The following FARSB variants were observed in gnomAD, a reference collection of about 807,000 sequenced individuals.
FARSB encodes phenylalanyl-tRNA synthetase subunit beta.
In FARSB, 40 loss-of-function variants were observed where a neutral mutation model predicts 69.6. That is an observed-to-expected ratio of 0.57 (90% CI 0.45 to 0.75). The LOEUF is 0.75. Among genes scored for constraint, FARSB ranks in the 30% least tolerant of loss-of-function variants. FARSB has a pLI of 0.00. For missense variants in FARSB, 632 were observed against 722.9 expected, an observed-to-expected ratio of 0.87 and a Z score of 1.44; for synonymous variants, 235 against 247.2, an observed-to-expected ratio of 0.95 and a Z score of 0.46.
intron 4 of FARSB, among the ~76,000 whole-genome samples, chr2:222,640,555 GA>G (rs1359199347): frequency 3.3e-5 from 5 of 151,366 alleles, no homozygotes; most frequent in African/African-American, 1.2e-4. Context: ...GCTCAGGAAT[GA>G]GACCAGCCTG....
Position 222,567,288 on chromosome 2 carries a change from C to T in FARSB, c.*4583G>A, listed in dbSNP as rs1249426505. On this transcript the variant is annotated 3_prime_UTR_variant, in exon 17 of 17. Transcript: ENST00000281828. ...TCAAGGCCCTAATAACATAATAAGCCAGAACTTGGATATCAGATGGGTCAA... is the reference window on the plus strand; with the variant it reads ...TCAAGGCCCTAATAACATAATAAGCTAGAACTTGGATATCAGATGGGTCAA... 6.6e-6 allele frequency: 1 copy of T among 152,148 alleles called. No homozygotes were observed. The highest frequency in any genetic ancestry group is 1.5e-5 in the Non-Finnish European group (1 of 68,032). 9.4% of individuals were successfully genotyped at this position (152,148 alleles called of 1,614,324 possible).
intron 2 of FARSB, among the ~76,000 whole-genome samples, chr2:222,647,741 G>C (rs1691907871): frequency 6.6e-6 from 1 of 152,176 alleles, no homozygotes; most frequent in Non-Finnish European, 1.5e-5. Flanking sequence ...CTCCAGCCTG[G>C]GCAACAGAGT....
chr2:222,602,437 T>C (rs1023316226), intron 15 of FARSB, among the ~76,000 whole-genome samples: 3 of 152,082 alleles, frequency 2.0e-5, no homozygotes, highest in African/African-American at 7.2e-5. Context: ...CTACTAGATA[T>C]TAAAATTTAT....
chr2:222,647,680 G>T (rs978869567), intron 2 of FARSB, among the ~76,000 whole-genome samples: 2 of 152,214 alleles, frequency 1.3e-5, no homozygotes, highest in South Asian at 4.1e-4. Flanking sequence ...CAGGAGAATC[G>T]CCTGAACCCA....
chr2:222,593,642 T>C (rs1461691078), intron 16 of FARSB, among the ~76,000 whole-genome samples: 3 of 150,926 alleles, frequency 2.0e-5, no homozygotes, highest in Non-Finnish European at 3.0e-5. Flanking sequence ...GGAAGATCAC[T>C]TGAGGCCAGG....
chr2:222,639,521 G>A, intron 5 of FARSB, 59 bp downstream of exon 5: 1 of 729,944 alleles, frequency 1.4e-6, no homozygotes, highest in Non-Finnish European at 2.4e-6. Flanking sequence ...GGATGGAAAG[G>A]AGATAGGGAG....
At chr2:222,611,266 G>A (rs1201729778) in intron 15 of FARSB, among the ~76,000 whole-genome samples, 1 of 151,936 alleles carries the variant, frequency 6.6e-6, no homozygotes, top group East Asian at 1.9e-4. Context: ...AAAATAGAGT[G>A]GTGTAATTAT....
chr2:222,591,230 A>G (rs1690266243), intron 16 of FARSB, among the ~76,000 whole-genome samples: 1 of 151,790 alleles, frequency 6.6e-6, no homozygotes, highest in African/African-American at 2.4e-5. Context: ...AAAAAAGGAA[A>G]GAAAGAAAAA....
Position 222,643,664 on chromosome 2 carries a change from ACAGT to A in FARSB, c.115-663_115-660del, listed in dbSNP as rs572336889. ...GAGAGGGGTAGTATAAAAACTAAAA[ACAGT>A]CAGAGACCATCAGACACTGGTAAAA... On this transcript the variant is annotated intron_variant, in intron 2 of 16. Transcript: ENST00000281828. 2.8e-4 allele frequency among the ~76,000 whole-genome samples: 43 copies of A among 152,338 alleles called. No homozygotes were observed. In the East Asian group the frequency reaches 6.4e-3, roughly 23 times the overall value.
chr2:222,623,882 C>G, intron 12 of FARSB, 152 bp from the exon 13 acceptor site: 1 of 629,052 alleles, frequency 1.6e-6, no homozygotes, highest in South Asian at 2.0e-5. Context: ...CTGCTAATGC[C>G]ACTATTTCCC....
At chr2:222,576,706 T>G (rs1689848944) in intron 16 of FARSB, among the ~76,000 whole-genome samples, 1 of 151,818 alleles carries the variant, frequency 6.6e-6, no homozygotes, top group African/African-American at 2.4e-5. Flanking sequence ...CATACTGGGG[T>G]GAAATTGACA....
chr2:222,581,707 T>C (rs1689973379), intron 16 of FARSB, among the ~76,000 whole-genome samples: 1 of 152,060 alleles, frequency 6.6e-6, no homozygotes, highest in Non-Finnish European at 1.5e-5. Context: ...TCACGAAGGG[T>C]TGACAGCCAC....
chr2:222,646,194 G>A (rs2106241920), intron 2 of FARSB, among the ~76,000 whole-genome samples: 1 of 152,234 alleles, frequency 6.6e-6, no homozygotes, highest in Non-Finnish European at 1.5e-5. Flanking sequence ...AAAATTGGTT[G>A]ACTCTTCCTC....
chr2:222,648,834 T>G (rs1171528056), intron 1 of FARSB, 39 bp from the exon 2 acceptor site: 1 of 1,379,916 alleles, frequency 7.2e-7, no homozygotes, highest in Admixed American at 1.7e-5. Context: ...TTTCACTCTG[T>G]TCAGTATAAG....
At chr2:222,650,256 T>C (rs1691996856) in intron 1 of FARSB, among the ~76,000 whole-genome samples, 1 of 152,028 alleles carries the variant, frequency 6.6e-6, no homozygotes, top group South Asian at 2.1e-4. Context: ...GAGAAAGGGG[T>C]CAACTAACAA....
chr2:222,619,917 CAAAA>C (rs1355937598), intron 13 of FARSB, among the ~76,000 whole-genome samples, 180 bp from the exon 14 acceptor site: 1 of 151,902 alleles, frequency 6.6e-6, no homozygotes, highest in Non-Finnish European at 1.5e-5. Context: ...AAAAAACAAA[CAAAA>C]AAAGAATAAG....
chr2:222,585,591 G>A (rs1215899916), intron 16 of FARSB, among the ~76,000 whole-genome samples: 1 of 152,236 alleles, frequency 6.6e-6, no homozygotes, highest in Non-Finnish European at 1.5e-5. Flanking sequence ...AAAGGAGGAT[G>A]CTCGAACACA....
chr2:222,608,629 C>T (rs1249609535), intron 15 of FARSB, among the ~76,000 whole-genome samples: 1 of 152,144 alleles, frequency 6.6e-6, no homozygotes, highest in Non-Finnish European at 1.5e-5. Context: ...TGTATTTCTA[C>T]ATCCAAACTA....
At chr2:222,595,234 A>G (rs1274047605) in intron 16 of FARSB, among the ~76,000 whole-genome samples, 1 of 152,248 alleles carries the variant, frequency 6.6e-6, no homozygotes, top group Non-Finnish European at 1.5e-5. Context: ...TTTTGTATAA[A>G]TCAAACCATA....
Sources: allele counts gnomAD v4.1 joint callset (sites outside exome capture counted in the v4.1 genomes callset), GRCh38; gene constraint gnomAD v4.1.1; transcripts MANE v1.5; gene names NCBI Gene and HGNC (gene_info 2026-07-23, HGNC 2026-07-21).